Variants in TIMP3 observed in about 807,000 individuals in gnomAD.
TIMP3 encodes the protein metalloproteinase inhibitor 3.
In TIMP3, 11 loss-of-function variants were observed where a neutral mutation model predicts 30.0. The observed-to-expected ratio is 0.37, with a 90% CI of 0.23 to 0.61. The LOEUF (loss-of-function observed/expected upper bound fraction) is 0.61, where lower values mean the gene tolerates loss of function less well. Among genes scored for constraint, TIMP3 ranks in the 20% least tolerant of loss-of-function variants. The probability of loss-of-function intolerance (pLI) is 0.70; values close to 1 mark genes in which losing one functional copy is unlikely to be tolerated. For synonymous variants in TIMP3, 112 were observed against 111.3 expected (o/e 1.01, Z -0.04); for missense variants, 181 against 276.8 (o/e 0.65, Z 2.45).
chr22:32,824,661 A>C (rs1241114690), intron 1 of TIMP3, among the ~76,000 whole-genome samples: 1 of 152,186 alleles, frequency 6.6e-6, no homozygotes, highest in East Asian at 1.9e-4. Flanking sequence ...AATAAAAGGA[A>C]GTTACTTGTA....
At chr22:32,804,392 A>G (rs999458154) in intron 1 of TIMP3, among the ~76,000 whole-genome samples, 1 of 152,152 alleles carries the variant, frequency 6.6e-6, no homozygotes, top group Non-Finnish European at 1.5e-5. Flanking sequence ...GAAACTGTCT[A>G]TTCTCGCCCT....
rs138961578 is a variant in TIMP3 at position 32,837,097 on chromosome 22, A to G, written c.122-12355A>G. Among the ~76,000 whole-genome samples the G allele has an allele frequency of 1.3e-5, 2 of 152,354 alleles. No individual in the cohort carries two copies. The highest frequency in any genetic ancestry group is 2.9e-5 in the Non-Finnish European group (2 of 68,030). ...ACAAAATCCCAATTAGGAGAAAAAT[A>G]AAATGCTATAGATGGCTCCTGAGAT... On this transcript the variant is annotated intron_variant, in intron 1 of 4. Transcript: ENST00000266085. This position sits in a 1 kb window ranked among gnomAD's most constrained non-coding sequence, Gnocchi z 4.1.
intron 1 of TIMP3, among the ~76,000 whole-genome samples, chr22:32,825,705 G>A (rs1437131697): frequency 1.6e-5 from 2 of 128,788 alleles, no homozygotes; most frequent in Non-Finnish European, 3.2e-5. Context: ...AAAGATGTGT[G>A]TATGTGTGTA....
At position 32,859,288 on chromosome 22, in the gene TIMP3, G is replaced by A. The variant is rs1487873728; in HGVS notation, c.547G>A (p.Ala183Thr). 1.3e-5 allele frequency: 21 copies of A among 1,613,958 alleles called. No individual in the cohort carries two copies. Among genetic ancestry groups the A allele is most frequent in the Admixed American group, 1.7e-5 (1 of 59,996 alleles). ...GYPGYQSKHY[A>T]CIRQKGGYCS... is the part of the protein sequence containing the mutation. ...CCCTGGCTACCAGTCCAAACACTACGCCTGCATCCGGCAGAAGGGCGGCTA... is the reference window on the plus strand; with the variant it reads ...CCCTGGCTACCAGTCCAAACACTACACCTGCATCCGGCAGAAGGGCGGCTA... The change falls in exon 5 of 5, where the codon GCC (alanine) becomes ACC (threonine). Residue 183 changes from alanine to threonine, a missense_variant. Physicochemically the swap from Ala to Thr is moderately conservative, Grantham distance 58. Around this residue, in one of 3 missense-constraint regions of TIMP3, gnomAD observed 47 missense variants for 63.8 expected, o/e 0.74. Transcript: ENST00000266085.
At chr22:32,825,585 A>C (rs1310024375) in intron 1 of TIMP3, among the ~76,000 whole-genome samples, 4 of 138,294 alleles carry the variant, frequency 2.9e-5, no homozygotes, top group African/African-American at 1.1e-4. Flanking sequence ...TTGAACCCGC[A>C]AGGCAGAGGT....
intron 4 of TIMP3, among the ~76,000 whole-genome samples, chr22:32,858,946 A>G (rs1400215833): frequency 6.6e-6 from 1 of 152,212 alleles, no homozygotes; most frequent in Non-Finnish European, 1.5e-5. Flanking sequence ...TTAACCTCTC[A>G]GAGCCTCCTA....
chr22:32,836,627 G>C (rs533126037), intron 1 of TIMP3, among the ~76,000 whole-genome samples: 1 of 152,114 alleles, frequency 6.6e-6, no homozygotes, highest in East Asian at 1.9e-4. Flanking sequence ...CGTTTTTCTC[G>C]TACCTGTTCC....
At position 32,859,609 on chromosome 22, in the gene TIMP3, T is replaced by C. The variant is rs757367146; in HGVS notation, c.*232T>C. The C allele has an allele frequency of 9.1e-5, 51 of 561,266 alleles. No individual in the cohort carries two copies. Among genetic ancestry groups the C allele is most frequent in the Non-Finnish European group, 1.4e-4 (45 of 321,982 alleles). 34.8% of individuals were successfully genotyped at this position (561,266 alleles called of 1,614,324 possible). Reference sequence around the variant, plus strand: ...GACATCATTCATTTCCACCTGGGAATTTCTGGTGCCATGCCAGAAAGAATG... The same window carrying C: ...GACATCATTCATTTCCACCTGGGAACTTCTGGTGCCATGCCAGAAAGAATG... On this transcript the variant is annotated 3_prime_UTR_variant, in exon 5 of 5. Transcript: ENST00000266085.
At chr22:32,858,269 G>A (rs2146291120) in intron 4 of TIMP3, 131 bp downstream of exon 4, 2 of 1,332,404 alleles carry the variant, frequency 1.5e-6, no homozygotes, top group East Asian at 4.8e-5. Flanking sequence ...AGGGCAGAGG[G>A]GCAGGTCTGA....
At chr22:32,811,032 C>T (rs1348449802) in intron 1 of TIMP3, among the ~76,000 whole-genome samples, 1 of 152,062 alleles carries the variant, frequency 6.6e-6, no homozygotes, top group East Asian at 1.9e-4. Flanking sequence ...AAGTGAAATA[C>T]TTCATGGAAT....
At chr22:32,859,137 C>T (rs530981109) in intron 4 of TIMP3, 43 bp from the exon 5 acceptor site, 12 of 1,608,286 alleles carry the variant, frequency 7.5e-6, no homozygotes, top group Non-Finnish European at 1.0e-5. Context: ...CCTGGGCATA[C>T]CATGGCAGAG....
At chr22:32,812,354 T>C (rs900350192) in intron 1 of TIMP3, among the ~76,000 whole-genome samples, 5 of 152,170 alleles carry the variant, frequency 3.3e-5, no homozygotes, top group African/African-American at 1.2e-4. Context: ...AAACCTCTAG[T>C]GAGCTGAGAT....
chr22:32,847,104 C>A (rs2048087095), intron 1 of TIMP3, among the ~76,000 whole-genome samples: 3 of 152,156 alleles, frequency 2.0e-5, no homozygotes, highest in Admixed American at 2.0e-4. Context: ...AAGACTCGCT[C>A]CCTTGTTTAC....
chr22:32,842,895 G>T (rs982708859), intron 1 of TIMP3, among the ~76,000 whole-genome samples: 51 of 152,182 alleles, frequency 3.4e-4, no homozygotes, highest in Non-Finnish European at 1.0e-4. Context: ...GGTGGTGGGT[G>T]GGTGATCAAA....
chr22:32,802,309 C>T (rs575967868), intron 1 of TIMP3, among the ~76,000 whole-genome samples, 187 bp downstream of exon 1: 2 of 152,072 alleles, frequency 1.3e-5, no homozygotes, highest in Non-Finnish European at 2.9e-5. Context: ...GGAAGATGCC[C>T]TGCAGAGGAA....
chr22:32,862,869 C>T lies in TIMP3; in HGVS notation c.*3492C>T, dbSNP rs3206624. 2 of 152,608 alleles carry T rather than the reference C, an allele frequency of 1.3e-5. No homozygotes were observed. Among genetic ancestry groups the T allele is most frequent in the South Asian group, 4.1e-4 (2 of 4,832 alleles). 9.5% of individuals were successfully genotyped at this position (152,608 alleles called of 1,614,324 possible). On this transcript the variant is annotated 3_prime_UTR_variant, in exon 5 of 5. Transcript: ENST00000266085. ...ACCAACAAGAGATCTCGAACCCTGT[C>T]TAGAAGGAATGTATTTGTTGCTAAA...
intron 2 of TIMP3, among the ~76,000 whole-genome samples, chr22:32,856,688 G>A (rs1481908069): frequency 6.6e-6 from 1 of 152,056 alleles, no homozygotes; most frequent in Non-Finnish European, 1.5e-5. Context: ...TCCTCTACTA[G>A]CTACTTTGAG....
At chr22:32,853,318 G>A (rs1015055831) in intron 2 of TIMP3, among the ~76,000 whole-genome samples, 4 of 152,170 alleles carry the variant, frequency 2.6e-5, no homozygotes, top group African/African-American at 9.7e-5. Flanking sequence ...TGATAGCTCG[G>A]TCGGTCTGTA....
At chr22:32,802,309 C>G (rs575967868) in intron 1 of TIMP3, among the ~76,000 whole-genome samples, 187 bp downstream of exon 1, 1 of 152,190 alleles carries the variant, frequency 6.6e-6, no homozygotes, top group Non-Finnish European at 1.5e-5. Context: ...GGAAGATGCC[C>G]TGCAGAGGAA....
Sources: allele counts gnomAD v4.1 joint callset (sites outside exome capture counted in the v4.1 genomes callset), GRCh38; gene constraint gnomAD v4.1.1; regional missense constraint gnomAD v4.1.1; non-coding constraint Gnocchi (gnomAD v3.1); transcripts MANE v1.5; gene names NCBI Gene and HGNC (gene_info 2026-07-23, HGNC 2026-07-21).